DLG2: variants seen among roughly 807,000 people sequenced by gnomAD.
The protein encoded by DLG2 is discs large MAGUK scaffold protein 2, also known as disks large homolog 2.
DLG2 carries 45 observed loss-of-function variants against 132.5 expected under a neutral mutation model. The observed-to-expected ratio is 0.34, with a 90% CI of 0.27 to 0.44. The LOEUF (loss-of-function observed/expected upper bound fraction) is 0.44, where lower values mean the gene tolerates loss of function less well. Ranked by LOEUF, DLG2 falls within the 20% of genes least tolerant of loss-of-function variation. The pLI, the probability that DLG2 is intolerant of heterozygous loss-of-function variation, is 1.00. For synonymous variants in DLG2, 424 were observed against 419.6 expected (o/e 1.01, Z -0.13); for missense variants, 1,045 against 1,196.9 (o/e 0.87, Z 1.87).
At chr11:84,433,719 G>T (rs900590983) in intron 7 of DLG2, among the ~76,000 whole-genome samples, 3 of 152,124 alleles carry the variant, frequency 2.0e-5, no homozygotes, top group Non-Finnish European at 4.4e-5. Context: ...AGGCATTTAG[G>T]TCCTTTTTGA....
At chr11:85,550,498 T>G (rs1598446858) in intron 3 of DLG2, among the ~76,000 whole-genome samples, 1 of 152,174 alleles carries the variant, frequency 6.6e-6, no homozygotes, top group African/African-American at 2.4e-5. Flanking sequence ...GAGTGGGGTT[T>G]GATCCCCCTG....
chr11:83,590,134 G>A (rs1565943679), intron 19 of DLG2, among the ~76,000 whole-genome samples: 1 of 144,602 alleles, frequency 6.9e-6, no homozygotes, highest in Non-Finnish European at 1.5e-5. Context: ...TCTGCACCAA[G>A]CAGACCTAAT....
At chr11:83,703,443 A>G (rs142311440) in intron 18 of DLG2, among the ~76,000 whole-genome samples, 3,444 of 152,294 alleles carry the variant, frequency 0.023, 145 homozygotes, top group African/African-American at 0.079. Context: ...TGAGGTCGGG[A>G]GTTAGAGACC....
intron 6 of DLG2, among the ~76,000 whole-genome samples, chr11:84,936,488 T>C (rs907903892): frequency 6.6e-6 from 1 of 152,046 alleles, no homozygotes; most frequent in African/African-American, 2.4e-5. Flanking sequence ...GTTAAATAAA[T>C]AAATGAACTA....
intron 15 of DLG2, among the ~76,000 whole-genome samples, chr11:83,912,066 C>T (rs970190261): frequency 1.6e-4 from 25 of 151,924 alleles, no homozygotes; most frequent in African/African-American, 6.0e-4. Flanking sequence ...TATACTCTCA[C>T]TTGCTGAGGG....
intron 4 of DLG2, among the ~76,000 whole-genome samples, chr11:85,245,698 G>A (rs1270811217): frequency 1.3e-5 from 2 of 151,910 alleles, no homozygotes; most frequent in Admixed American, 1.3e-4. Context: ...TCAAAATAAA[G>A]GTCAGAGTCA....
intron 21 of DLG2, among the ~76,000 whole-genome samples, chr11:83,518,011 A>T (rs1027870368): frequency 6.6e-6 from 1 of 152,166 alleles, no homozygotes; most frequent in East Asian, 1.9e-4. Flanking sequence ...TCAGATCTCA[A>T]GGTGCATGCT....
intron 3 of DLG2, among the ~76,000 whole-genome samples, chr11:85,506,102 T>C (rs2093926279): frequency 6.6e-6 from 1 of 152,230 alleles, no homozygotes. Flanking sequence ...TATTTGATTT[T>C]TCTCTCTTTT....
At chr11:84,280,393 CA>C (rs904713536) in intron 7 of DLG2, among the ~76,000 whole-genome samples, 31 of 151,974 alleles carry the variant, frequency 2.0e-4, no homozygotes, top group African/African-American at 7.3e-4. Context: ...CTCAGCCTCC[CA>C]AATAGCTGGG....
chr11:85,310,523 A>G (rs1046750901), intron 3 of DLG2, among the ~76,000 whole-genome samples: 1 of 151,958 alleles, frequency 6.6e-6, no homozygotes, highest in African/African-American at 2.4e-5. Context: ...TAAAACAACC[A>G]GCAGATGTCT....
rs59128357 is a variant in DLG2, at chr11:84,542,128, TGAGA to T, written c.358-7401_358-7398del. On this transcript the variant is annotated intron_variant, in intron 6 of 27. Coordinates refer to ENST00000376104, the MANE Select transcript of DLG2 (RefSeq NM_001142699.3). ...GTAGCAGGAGTTGGCACAGTACTGA[TGAGA>T]GAGAGAGAGAGAGAGAGAGAAAGAG... is the stretch of plus-strand genomic sequence containing the variant. Among the ~76,000 whole-genome samples the T allele has an allele frequency of 8.6e-4, 127 of 147,018 alleles. 1 individual carries two copies. In the South Asian group the frequency reaches 0.02, roughly 23 times the overall value.
intron 8 of DLG2, among the ~76,000 whole-genome samples, chr11:84,196,790 C>T (rs748814165): frequency 4.6e-5 from 7 of 151,714 alleles, no homozygotes; most frequent in Admixed American, 4.6e-4. Context: ...CCTGCAATCC[C>T]AGCACTTTGG....
chr11:85,059,222 C>T (rs998923138), intron 6 of DLG2, among the ~76,000 whole-genome samples: 1 of 150,492 alleles, frequency 6.6e-6, no homozygotes, highest in Non-Finnish European at 1.5e-5. Context: ...GAGAGAAATA[C>T]AAAATTGAAA....
chr11:85,133,662 G>T (rs775968525), intron 5 of DLG2, among the ~76,000 whole-genome samples: 8 of 152,176 alleles, frequency 5.3e-5, no homozygotes, highest in Non-Finnish European at 8.8e-5. Flanking sequence ...TGAAATTGGG[G>T]TGGGAGGAGG....
intron 6 of DLG2, among the ~76,000 whole-genome samples, chr11:84,960,439 C>T (rs893681083): frequency 6.9e-6 from 1 of 145,030 alleles, no homozygotes; most frequent in South Asian, 2.2e-4. Flanking sequence ...ATTCTTTTAA[C>T]TTTTTTTTTT....
intron 4 of DLG2, among the ~76,000 whole-genome samples, chr11:85,219,498 G>A (rs2082865780): frequency 6.6e-6 from 1 of 151,802 alleles, no homozygotes. Context: ...CCAAAATCAG[G>A]ACATCAGCAT....
Position 84,526,879 on chromosome 11 carries a change from C to T in DLG2, c.519+7691G>A, listed in dbSNP as rs550900779. Among the ~76,000 whole-genome samples the T allele has an allele frequency of 2.7e-3, 399 of 150,020 alleles. 3 individuals are homozygous for T. Among genetic ancestry groups the T allele is most frequent in the African/African-American group, 8.9e-3 (363 of 40,822 alleles). ...CTGCAAGCTCCGCCTCCCGGGTTCACGCCATTCTCCTGCCTCAGCCTCCCG... is the reference window on the plus strand; with the variant it reads ...CTGCAAGCTCCGCCTCCCGGGTTCATGCCATTCTCCTGCCTCAGCCTCCCG... On this transcript the variant is annotated intron_variant, in intron 7 of 27. Transcript: ENST00000376104.
At chr11:84,160,638 G>T (rs548769429) in intron 9 of DLG2, among the ~76,000 whole-genome samples, 1 of 152,188 alleles carries the variant, frequency 6.6e-6, no homozygotes, top group East Asian at 1.9e-4. Context: ...TAAGATGAAA[G>T]ATATACTGTG....
chr11:84,401,545 C>A (rs994654101), intron 7 of DLG2, among the ~76,000 whole-genome samples: 1 of 152,060 alleles, frequency 6.6e-6, no homozygotes, highest in Non-Finnish European at 1.5e-5. Context: ...AAAGCAGCTT[C>A]ATTGAGGATT....
Sources: allele counts gnomAD v4.1 joint callset (sites outside exome capture counted in the v4.1 genomes callset), GRCh38; gene constraint gnomAD v4.1.1; transcripts MANE v1.5; gene names NCBI Gene and HGNC (gene_info 2026-07-23, HGNC 2026-07-21).